The following CDH18 variants were observed in gnomAD, a reference collection of about 807,000 sequenced individuals.
The protein encoded by CDH18 is cadherin 18, also known as cadherin-18.
A neutral mutation model predicts 67.9 loss-of-function variants in CDH18; 31 were observed. That is an observed-to-expected ratio of 0.46 (90% CI 0.34 to 0.62). The LOEUF is 0.62. CDH18 is among the 20% of genes least tolerant of loss of function. The pLI, the probability that CDH18 is intolerant of heterozygous loss-of-function variation, is 0.01. For synonymous variants in CDH18, 362 were observed against 347.2 expected (o/e 1.04, Z -0.48); for missense variants, 890 against 975.5 (o/e 0.91, Z 1.17).
intron 1 of CDH18, among the ~76,000 whole-genome samples, chr5:20,319,746 G>A (rs73056752): frequency 0.11 from 16,564 of 151,924 alleles, 1,494 homozygotes; most frequent in East Asian, 0.37. Flanking sequence ...AATGGTCTAC[G>A]AAAATTGCAC....
At chr5:19,867,101 A>G (rs1785635798) in intron 2 of CDH18, among the ~76,000 whole-genome samples, 1 of 152,136 alleles carries the variant, frequency 6.6e-6, no homozygotes. Context: ...AAATAAATGA[A>G]TAAATAATGC....
At chr5:19,874,359 T>A (rs2150032269) in intron 2 of CDH18, among the ~76,000 whole-genome samples, 1 of 152,324 alleles carries the variant, frequency 6.6e-6, no homozygotes, top group East Asian at 1.9e-4. Flanking sequence ...TCCTTTAAGC[T>A]ATTAAGTTTA....
intron 1 of CDH18, among the ~76,000 whole-genome samples, chr5:20,524,633 C>T (rs185234204): frequency 1.4e-3 from 215 of 151,978 alleles, no homozygotes; most frequent in African/African-American, 5.1e-3. Flanking sequence ...GGAGGCTTAC[C>T]GATAACAAAA....
At chr5:19,549,903 G>T (rs188696958) in intron 8 of CDH18, among the ~76,000 whole-genome samples, 143 of 152,128 alleles carry the variant, frequency 9.4e-4, no homozygotes, top group East Asian at 2.3e-3. Context: ...AAATTCCAAG[G>T]CATAAAAGCT....
At chr5:19,552,369 A>C (rs1213190573) in intron 8 of CDH18, among the ~76,000 whole-genome samples, 1 of 152,152 alleles carries the variant, frequency 6.6e-6, no homozygotes. Flanking sequence ...ACAATTATTG[A>C]CTGTGAAAGC....
intron 2 of CDH18, among the ~76,000 whole-genome samples, chr5:20,170,190 C>G (rs966349373): frequency 2.6e-5 from 4 of 151,768 alleles, no homozygotes; most frequent in South Asian, 2.1e-4. Flanking sequence ...ACCCCACCCC[C>G]CGACAGGCCC....
chr5:19,685,550 G>A (rs1387215194), intron 5 of CDH18, among the ~76,000 whole-genome samples: 1 of 152,148 alleles, frequency 6.6e-6, no homozygotes, highest in African/African-American at 2.4e-5. Flanking sequence ...AATATTAGTT[G>A]CCAGGATTTT....
At chr5:20,108,178 C>G (rs1203997690) in intron 2 of CDH18, among the ~76,000 whole-genome samples, 2 of 152,104 alleles carry the variant, frequency 1.3e-5, no homozygotes, top group Admixed American at 6.5e-5. Flanking sequence ...CCTCCTGTTT[C>G]AAATGATTCT....
chr5:19,904,276 A>G (rs1790280884), intron 2 of CDH18, among the ~76,000 whole-genome samples: 1 of 150,690 alleles, frequency 6.6e-6, no homozygotes, highest in South Asian at 2.1e-4. Flanking sequence ...TGTCAAAAAG[A>G]AAAGAAAAGA....
At chr5:20,324,736 A>G (rs532716013) in intron 1 of CDH18, among the ~76,000 whole-genome samples, 3 of 152,214 alleles carry the variant, frequency 2.0e-5, no homozygotes, top group Non-Finnish European at 4.4e-5. Context: ...GTCCAAAGAC[A>G]TACAAATTCT....
chr5:20,039,299 C>A (rs976408198), intron 2 of CDH18, among the ~76,000 whole-genome samples: 1 of 152,050 alleles, frequency 6.6e-6, no homozygotes, highest in African/African-American at 2.4e-5. Context: ...AATGCTATCC[C>A]CATCAAGCTA....
chr5:20,215,598 C>A (rs9283761), intron 2 of CDH18, among the ~76,000 whole-genome samples: 77,315 of 151,722 alleles, frequency 0.51, 20,090 homozygotes, highest in Middle Eastern at 0.65. Context: ...AATGAGCTAC[C>A]ATTTAACTCA....
chr5:20,199,384 C>G (rs1302507462), intron 2 of CDH18, among the ~76,000 whole-genome samples: 1 of 152,158 alleles, frequency 6.6e-6, no homozygotes. Flanking sequence ...AATGACTGCC[C>G]TATTGAATTT....
chr5:19,994,855 T>TATATAGAGAGAGAGAGAGAGAGAGAGAG (rs760777430), intron 2 of CDH18, among the ~76,000 whole-genome samples: 2 of 67,586 alleles, frequency 3.0e-5, no homozygotes, highest in Non-Finnish European at 2.5e-5. Flanking sequence ...TATATATATA[T>TATATAGAGAGAGAGAGAGAGAGAGAGAG]AGAGAGAGAG....
intron 2 of CDH18, among the ~76,000 whole-genome samples, chr5:20,176,515 C>T (rs143767138): frequency 4.6e-5 from 7 of 152,216 alleles, no homozygotes; most frequent in Admixed American, 2.6e-4. Flanking sequence ...AGCCTTTTCA[C>T]GGATCAAATC....
At chr5:19,562,061 A>G (rs1469350289) in intron 8 of CDH18, among the ~76,000 whole-genome samples, 4 of 152,196 alleles carry the variant, frequency 2.6e-5, no homozygotes, top group Non-Finnish European at 1.5e-5. Context: ...CCTTTGGATC[A>G]GAACACAATG....
In CDH18 at chr5:19,571,704, A is replaced by T. The variant is rs950484238; in HGVS notation, c.1128T>A (p.Asp376Glu). The change falls in exon 8 of 13, where the codon GAT becomes GAA. Residue 376 changes from aspartate to glutamate, a missense_variant. This residue lies in a region of CDH18 where 656 missense variants were observed against 668.1 expected (regional missense o/e 0.98). Coordinates refer to ENST00000382275, the MANE Select transcript of CDH18 (RefSeq NM_004934.5). ...DATMLKIIVG[D>E]VDEPPLFSMP... ...TGGAAAATAGTGGTGGTTCATCTACATCCCCAACAATGATCTTCAGCATAG... is the reference window on the plus strand; with the variant it reads ...TGGAAAATAGTGGTGGTTCATCTACTTCCCCAACAATGATCTTCAGCATAG... 1 of 1,614,010 alleles carries T rather than the reference A, an allele frequency of 6.2e-7. No homozygotes were observed. The highest frequency in any genetic ancestry group is 8.5e-7 in the Non-Finnish European group (1 of 1,179,942).
intron 2 of CDH18, among the ~76,000 whole-genome samples, chr5:19,899,052 A>G (rs886396772): frequency 6.6e-6 from 1 of 152,208 alleles, no homozygotes; most frequent in Non-Finnish European, 1.5e-5. Flanking sequence ...AGGTATAAGA[A>G]AATTTGCTCA....
intron 4 of CDH18, among the ~76,000 whole-genome samples, chr5:19,743,692 G>A (rs1338233562): frequency 1.3e-5 from 2 of 152,110 alleles, no homozygotes; most frequent in Non-Finnish European, 2.9e-5. Context: ...AGACCCAGAA[G>A]GGCGGATCAT....
Sources: allele counts gnomAD v4.1 joint callset (sites outside exome capture counted in the v4.1 genomes callset), GRCh38; gene constraint gnomAD v4.1.1; regional missense constraint gnomAD v4.1.1; transcripts MANE v1.5; gene names NCBI Gene and HGNC (gene_info 2026-07-23, HGNC 2026-07-21).